ACACA: variants seen among roughly 807,000 people sequenced by gnomAD.
The protein encoded by ACACA is acetyl-CoA carboxylase 1.
Under a neutral mutation model 296.1 loss-of-function variants are expected in ACACA, and 103 were observed. The observed-to-expected ratio is 0.35, with a 90% confidence interval of 0.30 to 0.41. The LOEUF (loss-of-function observed/expected upper bound fraction) is 0.41. Among genes scored for constraint, ACACA ranks in the 10% least tolerant of loss-of-function variants. ACACA has a pLI of 1.00. For synonymous variants in ACACA, 953 were observed against 1,038.6 expected, an observed-to-expected ratio of 0.92 and a Z score of 1.58; for missense variants, 1,554 against 2,989.7, an observed-to-expected ratio of 0.52 and a Z score of 11.20.
intron 14 of ACACA, among the ~76,000 whole-genome samples, chr17:37,253,546 G>C (rs1415802621): frequency 6.6e-6 from 1 of 152,130 alleles, no homozygotes; most frequent in East Asian, 1.9e-4. Flanking sequence ...TTTGCAAAAA[G>C]TCAGAAAACG....
At chr17:37,111,276 A>G (rs1463197451) in intron 52 of ACACA, among the ~76,000 whole-genome samples, 3 of 152,160 alleles carry the variant, frequency 2.0e-5, no homozygotes, top group Non-Finnish European at 4.4e-5. Context: ...AGGACATCTT[A>G]GAAAGACGGG....
At position 37,122,933 on chromosome 17, in the gene ACACA, A is replaced by C. The variant is rs1288644173; in HGVS notation, c.6042-306T>G. ...AGACTCAACAGCCTAGCACATATAC[A>C]CATCCCTACCCCTGTGGCTGCTAAA... On this transcript the variant is annotated intron_variant, in intron 48 of 55. Transcript: ENST00000616317. 5 of 474,160 alleles carry C rather than the reference A, an allele frequency of 1.1e-5. No homozygotes were observed. The East Asian group carries it at 1.3e-4, about 12-fold the overall frequency. 29.4% of individuals were successfully genotyped at this position (474,160 alleles called of 1,614,324 possible).
intron 3 of ACACA, among the ~76,000 whole-genome samples, chr17:37,302,217 T>G (rs1305789109): frequency 2.6e-5 from 4 of 151,512 alleles, no homozygotes; most frequent in Admixed American, 6.6e-5. Flanking sequence ...TTTTTTTTTT[T>G]TTGAGACAGG....
Position 37,155,735 on chromosome 17 carries a change from T to G in ACACA, c.5395A>C (p.Ser1799Arg). The stretch of plus-strand genomic sequence containing the variant: ...TCACAATGGACAGAGTTGAGAGCAC[T>G]GACTCTCTTATAATCTTGAGGAGTC... Reference protein sequence around the residue: ...YLTPQDYKRVSALNSVHCEHV... With the variant: ...YLTPQDYKRVRALNSVHCEHV... The change falls in exon 43 of 56, where the codon AGT becomes CGT. Residue 1799 changes from serine (S) to arginine (R), a missense_variant. Physicochemically the swap from Ser to Arg is moderately radical, Grantham distance 110. This residue lies in a region of ACACA where 553 missense variants were observed against 1,043.6 expected (regional missense o/e 0.53). Coordinates refer to ENST00000616317, the MANE Select transcript of ACACA (RefSeq NM_198834.3). 1.2e-6 allele frequency: 2 copies of G among 1,611,712 alleles called. No individual in the cohort carries two copies. Among genetic ancestry groups the G allele is most frequent in the East Asian group, 2.2e-5 (1 of 44,810 alleles).
intron 52 of ACACA, among the ~76,000 whole-genome samples, chr17:37,103,398 T>C (rs1200748781): frequency 2.6e-5 from 4 of 152,256 alleles, no homozygotes; most frequent in African/African-American, 9.6e-5. Context: ...TCTCGATCAA[T>C]GCTGTAAGCT....
chr17:37,123,891 AAGTATTAC>A (rs2074645628), intron 48 of ACACA, among the ~76,000 whole-genome samples: 1 of 152,224 alleles, frequency 6.6e-6, no homozygotes, highest in Non-Finnish European at 1.5e-5. Context: ...ATCTTTATCC[AAGTATTAC>A]AGTTATTTAT....
intron 52 of ACACA, among the ~76,000 whole-genome samples, chr17:37,107,612 A>G (rs777209016): frequency 5.3e-5 from 8 of 152,206 alleles, no homozygotes; most frequent in Non-Finnish European, 8.8e-5. Flanking sequence ...TCCCTGTGGC[A>G]GGCAGTCAGG....
intron 3 of ACACA, among the ~76,000 whole-genome samples, chr17:37,316,075 T>C (rs2047071434): frequency 6.6e-6 from 1 of 152,162 alleles, no homozygotes; most frequent in Non-Finnish European, 1.5e-5. Context: ...CTTTAGGAAC[T>C]GTGTGCCAGG....
At chr17:37,341,504 A>C (rs2035980966) in intron 1 of ACACA, among the ~76,000 whole-genome samples, 1 of 152,154 alleles carries the variant, frequency 6.6e-6, no homozygotes. Context: ...AGCTGGGCCA[A>C]CATGGTGAAA....
At chr17:37,386,311 G>T (rs2050526938) in intron 1 of ACACA, among the ~76,000 whole-genome samples, 2 of 152,014 alleles carry the variant, frequency 1.3e-5, no homozygotes, top group Non-Finnish European at 2.9e-5. Context: ...GCTTCTCTAG[G>T]CCGGGTGCTG....
At chr17:37,315,257 T>C (rs951250455) in intron 3 of ACACA, among the ~76,000 whole-genome samples, 15 of 152,102 alleles carry the variant, frequency 9.9e-5, no homozygotes, top group African/African-American at 3.4e-4. Context: ...CGTACCCAGC[T>C]GGAATCCATA....
At chr17:37,216,189 C>CAT (rs559609131) in intron 29 of ACACA, among the ~76,000 whole-genome samples, 3,604 of 141,230 alleles carry the variant, frequency 0.026, 108 homozygotes, top group African/African-American at 0.076. Flanking sequence ...CATACACACA[C>CAT]GTGTGTGTGT....
At chr17:37,335,917 A>T (rs1163561797) in intron 2 of ACACA, among the ~76,000 whole-genome samples, 1 of 152,156 alleles carries the variant, frequency 6.6e-6, no homozygotes, top group Non-Finnish European at 1.5e-5. Flanking sequence ...CATCACCGAG[A>T]AAGTTAAAGA....
At chr17:37,336,752 G>A (rs1428108274) in intron 2 of ACACA, among the ~76,000 whole-genome samples, 1 of 152,178 alleles carries the variant, frequency 6.6e-6, no homozygotes, top group Non-Finnish European at 1.5e-5. Flanking sequence ...TACATTAATA[G>A]ATAATAAATG....
At chr17:37,315,692 G>A (rs1045045923) in intron 3 of ACACA, among the ~76,000 whole-genome samples, 2 of 152,206 alleles carry the variant, frequency 1.3e-5, no homozygotes, top group Non-Finnish European at 2.9e-5. Flanking sequence ...AGGAACTCAG[G>A]AAGAGACATA....
intron 8 of ACACA, among the ~76,000 whole-genome samples, chr17:37,274,996 G>A (rs1225350020): frequency 6.9e-6 from 1 of 145,734 alleles, no homozygotes; most frequent in African/African-American, 2.6e-5. Context: ...AAAAAAAAAA[G>A]GTTCATATTG....
chr17:37,185,713 C>G (rs910630284), intron 39 of ACACA, among the ~76,000 whole-genome samples: 10 of 151,854 alleles, frequency 6.6e-5, no homozygotes, highest in African/African-American at 2.4e-4. Context: ...GGACTACAGG[C>G]CCCTGCCACC....
At chr17:37,149,554 C>A (rs764405690) in intron 45 of ACACA, among the ~76,000 whole-genome samples, 3 of 152,128 alleles carry the variant, frequency 2.0e-5, no homozygotes, top group Admixed American at 2.0e-4. Flanking sequence ...CTTTCTACAA[C>A]GACACTAAAA....
chr17:37,095,685 C>G (rs746513518), intron 54 of ACACA, among the ~76,000 whole-genome samples: 4 of 152,172 alleles, frequency 2.6e-5, no homozygotes, highest in Non-Finnish European at 4.4e-5. Context: ...ATGAGAAAGA[C>G]AGACAAATAT....
Sources: gnomAD v4.1 joint callset for allele counts (sites outside exome capture counted in the v4.1 genomes callset) on GRCh38, gnomAD v4.1.1 for gene constraint, gnomAD v4.1.1 regional missense constraint, MANE v1.5 for transcripts, NCBI Gene and HGNC (gene_info 2026-07-23, HGNC 2026-07-21) for gene names.